The following ADGRV1 variants were observed in gnomAD, a reference collection of about 807,000 sequenced individuals.
ADGRV1 encodes the protein G-protein coupled receptor 98.
A neutral mutation model predicts 596.2 loss-of-function variants in ADGRV1; 359 were observed. The observed-to-expected ratio is 0.60, with a 90% CI of 0.55 to 0.66. ADGRV1 has a LOEUF of 0.66. Ranked by LOEUF, ADGRV1 falls within the 30% of genes least tolerant of loss-of-function variation. ADGRV1 has a pLI of 0.00. For synonymous variants in ADGRV1, 2,681 were observed against 2,679.2 expected (o/e 1.00, Z -0.02); for missense variants, 7,274 against 7,575.6 (o/e 0.96, Z 1.48).
intron 1 of ADGRV1, among the ~76,000 whole-genome samples, chr5:90,572,200 A>C: frequency 6.6e-6 from 1 of 152,108 alleles, no homozygotes; most frequent in African/African-American, 2.4e-5. Flanking sequence ...GAAGAGAGCA[A>C]ATTAATAAAG....
At chr5:90,892,707 A>G (rs1409447493) in intron 83 of ADGRV1, among the ~76,000 whole-genome samples, 1 of 152,170 alleles carries the variant, frequency 6.6e-6, no homozygotes, top group African/African-American at 2.4e-5. Flanking sequence ...TTCTGTTACA[A>G]AATATGAGTT....
intron 86 of ADGRV1, among the ~76,000 whole-genome samples, chr5:91,101,985 G>C (rs778801159): frequency 2.6e-5 from 4 of 152,128 alleles, no homozygotes; most frequent in Non-Finnish European, 5.9e-5. Context: ...GTCTAGGAGA[G>C]GAACAGTTCT....
intron 85 of ADGRV1, among the ~76,000 whole-genome samples, chr5:91,037,193 T>A (rs2151258755): frequency 6.6e-6 from 1 of 152,296 alleles, no homozygotes; most frequent in African/African-American, 2.4e-5. Context: ...GATATCCAAG[T>A]TTAGGAAAGC....
rs17624033 is a variant in ADGRV1, at chr5:90,745,693, A to G, written c.10872A>G (p.Gln3624=). ...AAAAAGAAGAATCCTTCAAAGTTCA[A>G]CTTAAAAATCCCAAAGGAGGAGCAG... The part of the protein sequence containing the change: ...VPEKEESFKV[Q]LKNPKGGAEI... The change falls in exon 52 of 90, where the codon CAA becomes CAG. Residue 3624 remains glutamine, a synonymous_variant. Transcript: ENST00000405460. 0.041 allele frequency: 66,141 copies of G among 1,612,324 alleles called. 1,614 individuals carry two copies. Among genetic ancestry groups the G allele is most frequent in the Middle Eastern group, 0.048 (287 of 6,038 alleles).
In ADGRV1 at chr5:90,688,306, A is replaced by G. The variant is rs1181670273; in HGVS notation, c.6491-1555A>G. The stretch of plus-strand genomic sequence containing the variant: ...AACAGCAATGGGGAAAGGATTCCCT[A>G]TTTAATAAATGGTGCTGGGAAAACT... On this transcript the variant is annotated intron_variant, in intron 29 of 89. Coordinates refer to ENST00000405460, the MANE Select transcript of ADGRV1 (RefSeq NM_032119.4). Among the ~76,000 whole-genome samples the G allele has an allele frequency of 7.9e-5, 12 of 152,338 alleles. No individual in the cohort carries two copies. The East Asian group carries it at 1.7e-3, about 22-fold the overall frequency.
chr5:91,158,929 C>T (rs1796714618), intron 89 of ADGRV1, among the ~76,000 whole-genome samples: 1 of 151,984 alleles, frequency 6.6e-6, no homozygotes. Flanking sequence ...GGAAGAGTGA[C>T]TAGGCCTTTC....
intron 45 of ADGRV1, 58 bp from the exon 46 acceptor site, chr5:90,724,774 G>T (rs913460768): frequency 6.9e-7 from 1 of 1,450,688 alleles, no homozygotes; most frequent in Admixed American, 1.7e-5. Context: ...CAATAAATTA[G>T]AATAGATAAG....
At position 90,629,387 on chromosome 5, in the gene ADGRV1, G is replaced by A; in HGVS notation, c.1687G>A (p.Gly563Arg). ...LLYSVLYIPA[G>R]AVDPLQAKEG... is the part of the protein sequence containing the mutation. ...TTATTCTGTACTTTACATTCCTGCTGGAGCTGTGGACCCCTTGCAAGCAAA... is the reference window on the plus strand; with the variant it reads ...TTATTCTGTACTTTACATTCCTGCTAGAGCTGTGGACCCCTTGCAAGCAAA... The change falls in exon 9 of 90, where the codon GGA (glycine) becomes AGA (arginine). Residue 563 changes from glycine (G) to arginine (R), a missense_variant. Gly to Arg is a moderately radical substitution (Grantham distance 125). Around this residue, in one of 5 missense-constraint regions of ADGRV1, gnomAD observed 1,715 missense variants for 1,708.8 expected, o/e 1.00. Transcript: ENST00000405460. 6.2e-7 allele frequency: 1 copy of A among 1,613,568 alleles called. No homozygotes were observed. Among genetic ancestry groups the A allele is most frequent in the Non-Finnish European group, 8.5e-7 (1 of 1,179,804 alleles).
Position 90,958,419 on chromosome 5 carries a change from T to A in ADGRV1, c.17857-6996T>A, listed in dbSNP as rs141994571. Reference sequence around the variant, plus strand: ...AATAAACTCCCAGCAAACAGCAAAGTAAGAATAGAAGGAATGGTCTTAACC... The same window carrying A: ...AATAAACTCCCAGCAAACAGCAAAGAAAGAATAGAAGGAATGGTCTTAACC... On this transcript the variant is annotated intron_variant, in intron 83 of 89. Coordinates refer to ENST00000405460, the MANE Select transcript of ADGRV1 (RefSeq NM_032119.4). Among the ~76,000 whole-genome samples, 440 of 151,862 alleles carry A rather than the reference T, an allele frequency of 2.9e-3. 1 individual carries two copies. Among genetic ancestry groups the A allele is most frequent in the African/African-American group, 0.01 (426 of 41,392 alleles).
intron 74 of ADGRV1, among the ~76,000 whole-genome samples, chr5:90,811,855 A>T (rs943067805): frequency 2.0e-5 from 3 of 151,178 alleles, no homozygotes; most frequent in Admixed American, 2.0e-4. Context: ...AATTTTAATA[A>T]TTTTTTTGTT....
In ADGRV1 at chr5:90,923,414, TGTAA is replaced by T. The variant is rs10568474; in HGVS notation, c.17857-41998_17857-41995del. ...AAAAGAAATTGTTTTTTAAAAAGTA[TGTAA>T]GTGTTTAAATATATAAAATTTAAAT... is the stretch of plus-strand genomic sequence containing the variant. On this transcript the variant is annotated intron_variant, in intron 83 of 89. Coordinates refer to ENST00000405460, the MANE Select transcript of ADGRV1 (RefSeq NM_032119.4). Among the ~76,000 whole-genome samples, 862 of 152,094 alleles carry T rather than the reference TGTAA, an allele frequency of 5.7e-3. 8 individuals are homozygous for T. The highest frequency in any genetic ancestry group is 0.018 in the African/African-American group (766 of 41,546).
Position 90,622,581 on chromosome 5 carries a change from T to C in ADGRV1, c.454-16T>C. 2 of 1,323,866 alleles carry C rather than the reference T, an allele frequency of 1.5e-6. No homozygotes were observed. Among genetic ancestry groups the C allele is most frequent in the Non-Finnish European group, 1.0e-6 (1 of 997,718 alleles). The allele number at this position is 1,323,866 out of a possible 1,614,324, so 82.0% of individuals were successfully genotyped here. A position where few individuals can be genotyped will look rare whatever the true frequency, so the allele number is the denominator to read the frequency against. On this transcript the variant is annotated splice_polypyrimidine_tract_variant and intron_variant, in intron 4 of 89. Coordinates refer to ENST00000405460, the MANE Select transcript of ADGRV1 (RefSeq NM_032119.4). ...TTGCTCAGCTCCTGATCATCTGTGC[T>C]TGCTTTCCTCAATAGCTTCCCTCAA...
intron 21 of ADGRV1, among the ~76,000 whole-genome samples, chr5:90,666,575 C>T (rs950765298): frequency 7.9e-6 from 1 of 126,302 alleles, no homozygotes; most frequent in Admixed American, 8.7e-5. Flanking sequence ...ATTTGCCAGT[C>T]TGTGTCTTTT....
At chr5:90,650,449 C>CT (rs1258755902) in intron 17 of ADGRV1, among the ~76,000 whole-genome samples, 1 of 151,920 alleles carries the variant, frequency 6.6e-6, no homozygotes, top group Non-Finnish European at 1.5e-5. Context: ...ATTTTTGTGT[C>CT]TTTTTTCCAT....
intron 21 of ADGRV1, among the ~76,000 whole-genome samples, chr5:90,667,981 C>T (rs1403561588): frequency 6.6e-6 from 1 of 151,948 alleles, no homozygotes; most frequent in African/African-American, 2.4e-5. Context: ...AGATCTCCAG[C>T]TGCGTACTGG....
At position 90,652,551 on chromosome 5, in the gene ADGRV1, G is replaced by A; in HGVS notation, c.3622G>A (p.Val1208Ile). The A allele has an allele frequency of 6.3e-7, 1 of 1,598,934 alleles. No individual in the cohort carries two copies. The highest frequency in any genetic ancestry group is 1.1e-5 in the South Asian group (1 of 89,908). The change falls in exon 19 of 90, where the codon GTA becomes ATA. Residue 1208 changes from valine (V) to isoleucine (I), a missense_variant. By Grantham distance (29) the Val-to-Ile change is conservative. Around this residue, in one of 5 missense-constraint regions of ADGRV1, gnomAD observed 1,715 missense variants for 1,708.8 expected, o/e 1.00. Transcript: ENST00000405460. ...EFNEFYFLKL[V>I]NISGGSPGPG... ...CAATGAATTTTATTTCCTAAAACTT[G>A]TAAACATTTCAGGTACTGTGTTTTT...
rs1162462815 is a variant in ADGRV1 at position 91,087,337 on chromosome 5, C to A, written c.18310+14733C>A. On this transcript the variant is annotated intron_variant, in intron 86 of 89. Coordinates refer to ENST00000405460, the MANE Select transcript of ADGRV1 (RefSeq NM_032119.4). ...ACGGAGTCTCACTCTGTCGCCCAGG[C>A]TGGAGTACAGTGCACTCGACTTGAT... Among the ~76,000 whole-genome samples, 5 of 152,168 alleles carry A rather than the reference C, an allele frequency of 3.3e-5. No homozygotes were observed. The East Asian group carries it at 9.6e-4, about 29-fold the overall frequency.
chr5:91,108,798 T>A (rs73189008), intron 87 of ADGRV1, among the ~76,000 whole-genome samples: 19,162 of 152,126 alleles, frequency 0.13, 1,359 homozygotes, highest in African/African-American at 0.2. Context: ...GGTTTCACTA[T>A]GTTGCCTGGA....
At chr5:90,824,020 ACT>A (rs2150303997) in intron 76 of ADGRV1, among the ~76,000 whole-genome samples, 1 of 152,250 alleles carries the variant, frequency 6.6e-6, no homozygotes, top group Admixed American at 6.5e-5. Flanking sequence ...CGATATGCTA[ACT>A]CTTCTACACA....
Sources: gnomAD v4.1 joint callset for allele counts (sites outside exome capture counted in the v4.1 genomes callset) on GRCh38, gnomAD v4.1.1 for gene constraint, gnomAD v4.1.1 regional missense constraint, MANE v1.5 for transcripts, NCBI Gene and HGNC (gene_info 2026-07-23, HGNC 2026-07-21) for gene names.